PIP4K2B: variants seen among roughly 807,000 people sequenced by gnomAD.
PIP4K2B encodes the protein phosphatidylinositol-5-phosphate 4-kinase type 2 beta.
In PIP4K2B, 3 loss-of-function variants were observed where a neutral mutation model predicts 42.0. The ratio of observed to expected loss-of-function variants is 0.07; its 90% CI spans 0.03 to 0.18. PIP4K2B has a LOEUF of 0.18. PIP4K2B is among the 10% of genes least tolerant of loss of function. PIP4K2B has a pLI of 1.00. For missense variants in PIP4K2B, 332 were observed against 562.3 expected, an observed-to-expected ratio of 0.59 and a Z score of 4.14; for synonymous variants, 204 against 210.1, an observed-to-expected ratio of 0.97 and a Z score of 0.25.
At position 38,799,267 on chromosome 17, in the gene PIP4K2B, G is replaced by T. The variant is rs1162950070; in HGVS notation, c.158C>A (p.Thr53Lys). Residue 53 changes from threonine to lysine, a missense_variant and splice_region_variant, in exon 1 of 10, where the codon ACG becomes AAG. Thr to Lys is a moderately conservative substitution (Grantham distance 78, BLOSUM62 -1). Transcript: ENST00000619039. The surrounding 1 kb of genome is among the most constrained non-coding windows in gnomAD (Gnocchi z 4.4). ...GAGGGGCGCGCAGGAGCTGGTTACC[G>T]TGTGGTTCACCCCCCACATCAGGAC... ...LSVLMWGVNH[T>K]INELSNVPVP... 1.3e-6 allele frequency: 2 copies of T among 1,596,110 alleles called. No individual in the cohort carries two copies. The highest frequency in any genetic ancestry group is 1.7e-6 in the Non-Finnish European group (2 of 1,173,088).
intron 1 of PIP4K2B, among the ~76,000 whole-genome samples, chr17:38,794,241 C>T (rs1051399251): frequency 6.6e-6 from 1 of 151,958 alleles, no homozygotes; most frequent in African/African-American, 2.4e-5. Flanking sequence ...ACATATATTG[C>T]ATGATTCTCC....
In PIP4K2B at chr17:38,793,764, G is replaced by A. The variant is rs143618794; in HGVS notation, c.159+5502C>T. Among the ~76,000 whole-genome samples the A allele has an allele frequency of 4.7e-3, 718 of 152,134 alleles. 7 individuals carry two copies. Among genetic ancestry groups the A allele is most frequent in the African/African-American group, 0.017 (692 of 41,514 alleles). ...CATGTGCCTGTAGTCCCAGCTACTC[G>A]GGTGGCTAAGGCAGGAGAATCACCT... On this transcript the variant is annotated intron_variant, in intron 1 of 9. Transcript: ENST00000619039.
chr17:38,788,350 G>T (rs1384574329), intron 1 of PIP4K2B, among the ~76,000 whole-genome samples: 1 of 151,840 alleles, frequency 6.6e-6, no homozygotes, highest in Non-Finnish European at 1.5e-5. Flanking sequence ...ACAGGTGCCC[G>T]ACACCACACC....
In PIP4K2B at chr17:38,780,613, C is replaced by A. The variant is rs111482778; in HGVS notation, c.355-9G>T. On this transcript the variant is annotated splice_polypyrimidine_tract_variant and intron_variant, in intron 3 of 9. Transcript: ENST00000619039. ...CTGCGCGTCACTGAATTCTGATAAT[C>A]GAGACAAAAGAAGGCTGGGCTTGGC... 6 of 1,605,608 alleles carry A rather than the reference C, an allele frequency of 3.7e-6. No individual in the cohort carries two copies. Among genetic ancestry groups the A allele is most frequent in the Non-Finnish European group, 5.1e-6 (6 of 1,173,172 alleles).
chr17:38,794,917 T>C (rs988352878), intron 1 of PIP4K2B, among the ~76,000 whole-genome samples: 8 of 150,550 alleles, frequency 5.3e-5, no homozygotes, highest in African/African-American at 7.3e-5. Flanking sequence ...CTGGCCAACA[T>C]GGCAAAACCC....
chr17:38,780,749 T>A, intron 3 of PIP4K2B, 145 bp from the exon 4 acceptor site: 1 of 690,054 alleles, frequency 1.4e-6, no homozygotes, highest in Non-Finnish European at 2.4e-6. Context: ...CCCTCCCCTT[T>A]TCTCACAGGG....
chr17:38,775,735 G>A (rs894852839), intron 7 of PIP4K2B, among the ~76,000 whole-genome samples: 4 of 152,002 alleles, frequency 2.6e-5, no homozygotes, highest in Non-Finnish European at 5.9e-5. Flanking sequence ...GCACGCGCCT[G>A]TAGTCCCAGC....
At chr17:38,784,119 A>G (rs1909865926) in intron 3 of PIP4K2B, 124 bp downstream of exon 3, 1 of 634,320 alleles carries the variant, frequency 1.6e-6, no homozygotes, top group Non-Finnish European at 2.8e-6. Context: ...CCTGGGCTGG[A>G]GCAAGGCATG....
rs978119811 is a variant in PIP4K2B at position 38,767,418 on chromosome 17, C to T, written c.*2273G>A. On this transcript the variant is annotated 3_prime_UTR_variant, in exon 10 of 10. Transcript: ENST00000619039. ...AAAAAATTGAAAATCCACCAAACCACAGCTCAAAATGTTATGACCCAGTCA... is the reference window on the plus strand; with the variant it reads ...AAAAAATTGAAAATCCACCAAACCATAGCTCAAAATGTTATGACCCAGTCA... 2 of 152,206 alleles carry T rather than the reference C, an allele frequency of 1.3e-5. No individual in the cohort carries two copies. The highest frequency in any genetic ancestry group is 2.9e-5 in the Non-Finnish European group (2 of 68,010). The allele number at this position is 152,206 out of a possible 1,614,324, so 9.4% of individuals were successfully genotyped here.
chr17:38,797,203 AC>A (rs1910699583), intron 1 of PIP4K2B, among the ~76,000 whole-genome samples: 1 of 152,108 alleles, frequency 6.6e-6, no homozygotes, highest in African/African-American at 2.4e-5. Flanking sequence ...AAAAAAGATG[AC>A]CACTTTGTCC....
intron 5 of PIP4K2B, among the ~76,000 whole-genome samples, chr17:38,778,724 C>G (rs1314083599): frequency 6.6e-6 from 1 of 152,120 alleles, no homozygotes; most frequent in African/African-American, 2.4e-5. Context: ...TCTGAAAGCA[C>G]ATACCACACG....
intron 8 of PIP4K2B, 121 bp from the exon 9 acceptor site, chr17:38,770,660 G>A: frequency 1.4e-6 from 1 of 696,738 alleles, no homozygotes. Context: ...TGTTGGGGCT[G>A]AGAAAAGGAC....
chr17:38,770,126 T>C (rs2143308062), intron 9 of PIP4K2B, among the ~76,000 whole-genome samples: 1 of 152,192 alleles, frequency 6.6e-6, no homozygotes, highest in Middle Eastern at 3.4e-3. Context: ...AACAAAGCTA[T>C]TACTCGCCCT....
Position 38,771,222 on chromosome 17 carries a change from G to A in PIP4K2B, c.858C>T (p.His286=), listed in dbSNP as rs767674989. The change falls in exon 8 of 10, where the codon CAC becomes CAT. Residue 286 remains histidine (H), a synonymous_variant. Transcript: ENST00000619039. ...IMDYSLLVGI[H]DVDRAEQEEM... ...CCTCCTGCTCTGCCCGGTCCACGTC[G>A]TGGATGCCCACCAGCAGGCTGTAGT... 8.7e-6 allele frequency: 14 copies of A among 1,614,000 alleles called. No individual in the cohort carries two copies. In the South Asian group the frequency reaches 9.9e-5, roughly 11 times the overall value.
chr17:38,770,530 T>C lies in PIP4K2B; in HGVS notation c.1076A>G (p.Lys359Arg). The C allele has an allele frequency of 6.3e-7, 1 of 1,591,800 alleles. No individual in the cohort carries two copies. Among genetic ancestry groups the C allele is most frequent in the Non-Finnish European group, 8.6e-7 (1 of 1,160,494 alleles). Residue 359 changes from lysine to arginine, a missense_variant, in exon 9 of 10, where the codon AAG becomes AGG. Lys to Arg is a conservative substitution (Grantham distance 26, BLOSUM62 2). Around this residue, in one of 6 missense-constraint regions of PIP4K2B, gnomAD observed 63 missense variants for 71.6 expected, o/e 0.88. Coordinates refer to ENST00000619039, the MANE Select transcript of PIP4K2B (RefSeq NM_003559.5). ...GATGGCCATGAAATACACCTCCTTC[T>C]TGGGGGAACCTGGAGGGACAAGGAG... is the stretch of plus-strand genomic sequence containing the variant. ...YAMKSHESSPKKEVYFMAIID... is the reference protein window; with the variant it reads ...YAMKSHESSPRKEVYFMAIID...
In PIP4K2B at chr17:38,770,412, T is replaced by C. The variant is rs376812925; in HGVS notation, c.1170+24A>G. 1.6e-4 allele frequency: 243 copies of C among 1,483,666 alleles called. No homozygotes were observed. The African/African-American group carries it at 3.0e-3, about 18-fold the overall frequency. The allele number at this position is 1,483,666 out of a possible 1,614,324, so 91.9% of individuals were successfully genotyped here. On this transcript the variant is annotated intron_variant, in intron 9 of 9. Transcript: ENST00000619039. Reference sequence around the variant, plus strand: ...CAGATGCACCGACCCAGCTGGGCCCTGGATGAAGATGGAGAGGACTCACCC... The same window carrying C: ...CAGATGCACCGACCCAGCTGGGCCCCGGATGAAGATGGAGAGGACTCACCC...
At chr17:38,791,175 C>T (rs752655172) in intron 1 of PIP4K2B, among the ~76,000 whole-genome samples, 6 of 152,102 alleles carry the variant, frequency 3.9e-5, no homozygotes, top group African/African-American at 1.4e-4. Context: ...AAGGATGAGG[C>T]TAGCATGGCC....
At chr17:38,784,135 G>A (rs911590741) in intron 3 of PIP4K2B, 108 bp downstream of exon 3, 2 of 691,520 alleles carry the variant, frequency 2.9e-6, no homozygotes, top group Non-Finnish European at 5.1e-6. Context: ...GCATGACAGG[G>A]AGACACAGCA....
rs376171115 is a variant in PIP4K2B at position 38,771,277 on chromosome 17, G to A, written c.808-5C>T. On this transcript the variant is annotated splice_region_variant and splice_polypyrimidine_tract_variant and intron_variant, in intron 7 of 9. Transcript: ENST00000619039. ...GATCTTCAGCTGTGCCAAGAACTAG[G>A]AAGGGCAAGGATGGAAAGATGGAAG... 4 of 1,614,050 alleles carry A rather than the reference G, an allele frequency of 2.5e-6. No homozygotes were observed. The highest frequency in any genetic ancestry group is 1.1e-5 in the South Asian group (1 of 91,086).
Sources: gnomAD v4.1 joint callset for allele counts (sites outside exome capture counted in the v4.1 genomes callset) on GRCh38, gnomAD v4.1.1 for gene constraint, gnomAD v4.1.1 regional missense constraint, Gnocchi (gnomAD v3.1) non-coding constraint, MANE v1.5 for transcripts, NCBI Gene and HGNC (gene_info 2026-07-23, HGNC 2026-07-21) for gene names.